Variants in PIKFYVE observed in about 807,000 individuals in gnomAD.
The protein encoded by PIKFYVE is phosphoinositide kinase, FYVE-type zinc finger containing.
A neutral mutation model predicts 257.9 loss-of-function variants in PIKFYVE; 122 were observed. That is an observed-to-expected ratio of 0.47 (90% confidence interval 0.41 to 0.55). The LOEUF (loss-of-function observed/expected upper bound fraction) is 0.55. PIKFYVE is among the 20% of genes least tolerant of loss of function. PIKFYVE has a pLI of 0.00. For synonymous variants in PIKFYVE, 892 were observed against 868.9 expected, an observed-to-expected ratio of 1.03 and a Z score of -0.47; for missense variants, 2,160 against 2,536.6, an observed-to-expected ratio of 0.85 and a Z score of 3.19.
chr2:208,347,746 G>T (rs902802755), intron 34 of PIKFYVE, 113 bp from the exon 35 acceptor site: 17 of 902,326 alleles, frequency 1.9e-5, no homozygotes, highest in Non-Finnish European at 2.8e-5. Context: ...GCATTACTCA[G>T]ATTGATTAGC....
Position 208,298,687 on chromosome 2 carries a change from A to G in PIKFYVE, c.958A>G (p.Met320Val), listed in dbSNP as rs753009399. 11 of 1,613,926 alleles carry G rather than the reference A, an allele frequency of 6.8e-6. No individual in the cohort carries two copies. Among genetic ancestry groups the G allele is most frequent in the East Asian group, 4.5e-5 (2 of 44,896 alleles). ...GTCACTGGATAGATCTGGTTCTCCT[A>G]TGGTACCTTCATATGAGACATCTGT... ...NLSLDRSGSP[M>V]VPSYETSVSP... The change falls in exon 8 of 42, where the codon ATG becomes GTG. Residue 320 changes from methionine to valine, a missense_variant. Transcript: ENST00000264380.
chr2:208,266,681 G>C (rs567521503), intron 1 of PIKFYVE, among the ~76,000 whole-genome samples: 3 of 152,316 alleles, frequency 2.0e-5, no homozygotes, highest in Non-Finnish European at 4.4e-5. Flanking sequence ...AACATTTGAA[G>C]TTCCTTTGCC....
intron 7 of PIKFYVE, among the ~76,000 whole-genome samples, chr2:208,293,130 A>G (rs1283227643): frequency 2.0e-5 from 3 of 150,926 alleles, no homozygotes; most frequent in African/African-American, 7.3e-5. Context: ...GTAACTTACA[A>G]CTAATCCACA....
At chr2:208,354,720 T>G (rs2125839143) in intron 41 of PIKFYVE, 75 bp downstream of exon 41, 1 of 1,179,138 alleles carries the variant, frequency 8.5e-7, no homozygotes, top group East Asian at 2.4e-5. Context: ...GGATACTGAT[T>G]CTTTTTTTTA....
intron 5 of PIKFYVE, among the ~76,000 whole-genome samples, chr2:208,284,943 C>T (rs1574448121): frequency 6.6e-6 from 1 of 152,002 alleles, no homozygotes; most frequent in East Asian, 2.0e-4. Context: ...CTGCCTTGGC[C>T]CCCCAAAGTG....
intron 13 of PIKFYVE, among the ~76,000 whole-genome samples, chr2:208,313,991 G>A (rs915835761): frequency 6.6e-6 from 1 of 152,160 alleles, no homozygotes; most frequent in African/African-American, 2.4e-5. Context: ...ATAATTATTG[G>A]CTTGAGAGTC....
At chr2:208,350,419 A>G (rs894354266) in intron 36 of PIKFYVE, among the ~76,000 whole-genome samples, 10 of 152,188 alleles carry the variant, frequency 6.6e-5, no homozygotes, top group Non-Finnish European at 1.5e-4. Context: ...ATCCAGAATA[A>G]TATGTACAGT....
intron 41 of PIKFYVE, 101 bp from the exon 42 acceptor site, chr2:208,355,089 A>G: frequency 1.1e-6 from 1 of 898,626 alleles, no homozygotes; most frequent in Non-Finnish European, 1.8e-6. Context: ...CTGCATGTGT[A>G]TCTTTATGGC....
Position 208,325,398 on chromosome 2 carries a change from G to A in PIKFYVE, c.2587G>A (p.Ala863Thr), listed in dbSNP as rs1381845432. Residue 863 changes from alanine to threonine, a missense_variant, in exon 20 of 42, where the codon GCT becomes ACT. Coordinates refer to ENST00000264380, the MANE Select transcript of PIKFYVE (RefSeq NM_015040.4). Reference protein sequence around the residue: ...KEILIFMICVAYHSQLEISFL... With the variant: ...KEILIFMICVTYHSQLEISFL... ...GATCCTAATATTTATGATCTGTGTTGCTTATCATTCTCAACTAGAAATATC... is the reference window on the plus strand; with the variant it reads ...GATCCTAATATTTATGATCTGTGTTACTTATCATTCTCAACTAGAAATATC... 6.2e-7 allele frequency: 1 copy of A among 1,614,138 alleles called. No homozygotes were observed. The highest frequency in any genetic ancestry group is 8.5e-7 in the Non-Finnish European group (1 of 1,180,024).
intron 5 of PIKFYVE, among the ~76,000 whole-genome samples, chr2:208,280,690 C>G (rs1187035886): frequency 6.6e-6 from 1 of 152,172 alleles, no homozygotes; most frequent in Admixed American, 6.5e-5. Context: ...GTAAGTGGCT[C>G]AAGTCTGGGA....
intron 2 of PIKFYVE, among the ~76,000 whole-genome samples, chr2:208,272,110 C>G (rs1364701390): frequency 6.6e-6 from 1 of 152,012 alleles, no homozygotes; most frequent in African/African-American, 2.4e-5. Flanking sequence ...TGGCAGGCGC[C>G]TGTAGTCCCA....
chr2:208,276,952 C>G, intron 4 of PIKFYVE, 122 bp downstream of exon 4: 1 of 730,934 alleles, frequency 1.4e-6, no homozygotes, highest in Non-Finnish European at 2.3e-6. Context: ...CAGCTGTGAG[C>G]ACCCTATTTT....
chr2:208,321,575 G>GTTTTT (rs869195257), intron 17 of PIKFYVE, among the ~76,000 whole-genome samples: 51 of 143,082 alleles, frequency 3.6e-4, no homozygotes, highest in African/African-American at 9.3e-4. Flanking sequence ...CTTTTCTTTT[G>GTTTTT]TTTTTTTTTT....
At chr2:208,341,965 G>C (rs868503384) in intron 31 of PIKFYVE, among the ~76,000 whole-genome samples, 2 of 135,630 alleles carry the variant, frequency 1.5e-5, no homozygotes, top group African/African-American at 5.4e-5. Flanking sequence ...TTTTTTTTTC[G>C]CCATTGTATT....
intron 23 of PIKFYVE, among the ~76,000 whole-genome samples, chr2:208,331,934 T>C (rs1697586342): frequency 6.6e-6 from 1 of 152,226 alleles, no homozygotes; most frequent in African/African-American, 2.4e-5. Flanking sequence ...CTGACCATGG[T>C]ACTAAATGAA....
At position 208,326,402 on chromosome 2, in the gene PIKFYVE, T is replaced by G. The variant is rs755439314; in HGVS notation, c.3591T>G (p.Ile1197Met). ...KNEGDEERGL[I>M]LSDAVWSTKV... ...AGGGTGATGAAGAGAGAGGGCTTATTCTGAGTGATGCTGTGTGGTCAACAA... is the reference window on the plus strand; with the variant it reads ...AGGGTGATGAAGAGAGAGGGCTTATGCTGAGTGATGCTGTGTGGTCAACAA... The change falls in exon 20 of 42, where the codon ATT becomes ATG. Residue 1197 changes from isoleucine (I) to methionine (M), a missense_variant. This residue lies in a region of PIKFYVE where 522 missense variants were observed against 514.6 expected (regional missense o/e 1.01). Transcript: ENST00000264380. 4 of 1,614,074 alleles carry G rather than the reference T, an allele frequency of 2.5e-6. No individual in the cohort carries two copies. Among genetic ancestry groups the G allele is most frequent in the Non-Finnish European group, 2.5e-6 (3 of 1,179,982 alleles).
rs550546571 is a variant in PIKFYVE at position 208,331,226 on chromosome 2, G to T, written c.3963+532G>T. Among the ~76,000 whole-genome samples the T allele has an allele frequency of 5.3e-5, 8 of 152,240 alleles. No homozygotes were observed. The East Asian group carries it at 1.5e-3, about 29-fold the overall frequency. ...GCATGTTCTTGAGAAAAGGACATGT[G>T]TTTTGTTTCTTCTTTGTGCCTTTCT... On this transcript the variant is annotated intron_variant, in intron 23 of 41. Transcript: ENST00000264380.
intron 25 of PIKFYVE, 41 bp downstream of exon 25, chr2:208,335,460 C>A: frequency 7.2e-7 from 1 of 1,380,652 alleles, no homozygotes; most frequent in Non-Finnish European, 1.0e-6. Flanking sequence ...TGTTTATTTA[C>A]AGCTATTTTA....
chr2:208,295,491 T>C (rs1248313606), intron 7 of PIKFYVE, among the ~76,000 whole-genome samples: 4 of 152,228 alleles, frequency 2.6e-5, no homozygotes, highest in Non-Finnish European at 4.4e-5. Flanking sequence ...TCATATGTCT[T>C]GGTTTTCTTT....
Sources: allele counts gnomAD v4.1 joint callset (sites outside exome capture counted in the v4.1 genomes callset), GRCh38; gene constraint gnomAD v4.1.1; regional missense constraint gnomAD v4.1.1; transcripts MANE v1.5; gene names NCBI Gene and HGNC (gene_info 2026-07-23, HGNC 2026-07-21).